AGBL1: variants seen among roughly 807,000 people sequenced by gnomAD.
AGBL1 encodes the protein AGBL carboxypeptidase 1.
In AGBL1, 130 loss-of-function variants were observed where a neutral mutation model predicts 118.9. The ratio of observed to expected loss-of-function variants is 1.09; its 90% CI spans 0.95 to 1.26. The LOEUF (loss-of-function observed/expected upper bound fraction) is 1.26. Ranked by LOEUF, AGBL1 falls within the 50% of genes most tolerant of loss-of-function variation. The pLI, the probability that AGBL1 is intolerant of heterozygous loss-of-function variation, is 0.00. For synonymous variants in AGBL1, 555 were observed against 478.9 expected (o/e 1.16, Z -2.08); for missense variants, 1,584 against 1,298.1 (o/e 1.22, Z -3.38).
At chr15:87,002,027 G>A (rs2081444293) in intron 24 of AGBL1, among the ~76,000 whole-genome samples, 1 of 151,948 alleles carries the variant, frequency 6.6e-6, no homozygotes, top group African/African-American at 2.4e-5. Flanking sequence ...CATTGCTTTT[G>A]GTGTTTTAGG....
intron 1 of AGBL1, among the ~76,000 whole-genome samples, chr15:86,084,061 A>G (rs1895470241): frequency 6.6e-6 from 1 of 152,240 alleles, no homozygotes; most frequent in South Asian, 2.1e-4. Flanking sequence ...CAAACTGAAA[A>G]CTGTCTTAAT....
intron 19 of AGBL1, among the ~76,000 whole-genome samples, chr15:86,537,730 C>A (rs974826787): frequency 6.6e-6 from 1 of 152,238 alleles, no homozygotes; most frequent in Admixed American, 6.5e-5. Context: ...ACATCACTTT[C>A]TAATGGGTCC....
intron 21 of AGBL1, among the ~76,000 whole-genome samples, chr15:86,592,194 T>C (rs1390784668): frequency 1.3e-5 from 2 of 152,192 alleles, no homozygotes; most frequent in African/African-American, 4.8e-5. Context: ...GTCATTTTCC[T>C]TTGGGGAAAT....
intron 22 of AGBL1, among the ~76,000 whole-genome samples, chr15:86,789,180 T>G (rs1225467899): frequency 6.6e-6 from 1 of 152,228 alleles, no homozygotes; most frequent in Non-Finnish European, 1.5e-5. Flanking sequence ...ATGTCTGGGC[T>G]CAGCCCAATT....
chr15:86,240,593 G>A (rs1672736455), intron 6 of AGBL1, among the ~76,000 whole-genome samples: 1 of 152,118 alleles, frequency 6.6e-6, no homozygotes, highest in Non-Finnish European at 1.5e-5. Flanking sequence ...TTGGGAGGAA[G>A]GGATTTGGAA....
chr15:86,530,314 C>T (rs1308788989), intron 19 of AGBL1, among the ~76,000 whole-genome samples: 1 of 123,164 alleles, frequency 8.1e-6, no homozygotes. Context: ...CAATCCTAGT[C>T]TCTGATAAAA....
intron 22 of AGBL1, among the ~76,000 whole-genome samples, chr15:86,798,739 A>G (rs1427105265): frequency 6.7e-6 from 1 of 149,272 alleles, no homozygotes; most frequent in East Asian, 2.0e-4. Context: ...ACCGGCAACT[A>G]GATCTGCTAG....
chr15:86,864,314 CAT>C (rs1474377037), intron 22 of AGBL1, among the ~76,000 whole-genome samples: 1 of 152,128 alleles, frequency 6.6e-6, no homozygotes, highest in African/African-American at 2.4e-5. Flanking sequence ...TGCATTGACT[CAT>C]AGGAAAATAC....
intron 22 of AGBL1, among the ~76,000 whole-genome samples, chr15:86,850,855 C>T (rs544187438): frequency 6.6e-6 from 1 of 152,142 alleles, no homozygotes; most frequent in South Asian, 2.1e-4. Context: ...AGATAGTTTC[C>T]TTCTGGTCAA....
At chr15:86,635,324 T>TA (rs2142449767) in intron 21 of AGBL1, among the ~76,000 whole-genome samples, 2 of 93,372 alleles carry the variant, frequency 2.1e-5, no homozygotes, top group African/African-American at 8.7e-5. Flanking sequence ...CTCCTCCTCC[T>TA]CCTCCTCCTC....
chr15:86,298,286 C>CTATATATATATATATATATGGTAACTA (rs71460469), intron 17 of AGBL1, among the ~76,000 whole-genome samples: 1 of 63,114 alleles, frequency 1.6e-5, no homozygotes, highest in Non-Finnish European at 3.4e-5. Context: ...TATATGGTAA[C>CTATATATATATATATATATGGTAACTA]TATATATATA....
At chr15:86,508,557 A>C (rs1020657580) in intron 18 of AGBL1, among the ~76,000 whole-genome samples, 1 of 119,216 alleles carries the variant, frequency 8.4e-6, no homozygotes, top group Non-Finnish European at 1.9e-5. Flanking sequence ...AATATAAAAC[A>C]GGATTTTTTT....
chr15:86,341,728 G>A (rs2080464310), intron 17 of AGBL1, among the ~76,000 whole-genome samples: 1 of 152,100 alleles, frequency 6.6e-6, no homozygotes, highest in African/African-American at 2.4e-5. Flanking sequence ...GAGACCAATC[G>A]AGTTGCCCAA....
At chr15:86,883,869 A>G (rs948134988) in intron 22 of AGBL1, among the ~76,000 whole-genome samples, 1 of 152,196 alleles carries the variant, frequency 6.6e-6, no homozygotes, top group Non-Finnish European at 1.5e-5. Flanking sequence ...GCCTAGGCAC[A>G]CTGGGTAACA....
intron 21 of AGBL1, among the ~76,000 whole-genome samples, chr15:86,596,023 G>T (rs566795293): frequency 6.6e-6 from 1 of 152,218 alleles, no homozygotes; most frequent in African/African-American, 2.4e-5. Context: ...AGGGGGTTGG[G>T]TGTGGTGGCT....
At chr15:86,708,432 C>A (rs1392555378) in intron 22 of AGBL1, among the ~76,000 whole-genome samples, 1 of 152,098 alleles carries the variant, frequency 6.6e-6, no homozygotes, top group Non-Finnish European at 1.5e-5. Flanking sequence ...AGAAGCAGAA[C>A]CCTGCTAGAC....
chr15:86,988,953 T>C (rs941858488), intron 24 of AGBL1, among the ~76,000 whole-genome samples: 2 of 151,978 alleles, frequency 1.3e-5, no homozygotes, highest in Non-Finnish European at 2.9e-5. Flanking sequence ...GTGAAAATGA[T>C]GATTGCCAAT....
intron 21 of AGBL1, among the ~76,000 whole-genome samples, chr15:86,655,848 G>A (rs2085455420): frequency 1.3e-5 from 2 of 152,160 alleles, no homozygotes; most frequent in South Asian, 4.1e-4. Flanking sequence ...CTAGCTATGG[G>A]CTTCGTAGTA....
In AGBL1 at chr15:86,987,917, T is replaced by C; in HGVS notation, c.3222-70T>C. ...CTCAATAATATGTTTTTAAAATCCA[T>C]CTATAATAATATGTGACACTATGGT... On this transcript the variant is annotated intron_variant, in intron 23 of 24. Coordinates refer to the AGBL1 transcript ENST00000441037. 2.6e-6 allele frequency: 4 copies of C among 1,541,066 alleles called. No homozygotes were observed. The South Asian group carries it at 5.1e-5, about 19-fold the overall frequency.
Sources: allele counts gnomAD v4.1 joint callset (sites outside exome capture counted in the v4.1 genomes callset), GRCh38; gene constraint gnomAD v4.1.1; transcripts MANE v1.5; gene names NCBI Gene and HGNC (gene_info 2026-07-23, HGNC 2026-07-21).